ARHGAP22: variants seen among roughly 807,000 people sequenced by gnomAD.
ARHGAP22 encodes Rho GTPase activating protein 22, also known as rho GTPase-activating protein 22.
In ARHGAP22, 48 loss-of-function variants were observed where a neutral mutation model predicts 59.1. That is an observed-to-expected ratio of 0.81 (90% CI 0.64 to 1.03). The LOEUF is 1.03. Ranked by LOEUF, ARHGAP22 falls within the 50% of genes least tolerant of loss-of-function variation. ARHGAP22 has a pLI of 0.00. For synonymous variants in ARHGAP22, 445 were observed against 416.4 expected, an observed-to-expected ratio of 1.07 and a Z score of -0.84; for missense variants, 1,015 against 958.7, an observed-to-expected ratio of 1.06 and a Z score of -0.78.
rs1312222904 is a variant in ARHGAP22, at chr10:48,542,912, G to C, written c.322+12551C>G. Among the ~76,000 whole-genome samples, 8 of 152,276 alleles carry C rather than the reference G, an allele frequency of 5.3e-5. No individual in the cohort carries two copies. In the East Asian group the frequency reaches 1.4e-3, roughly 26 times the overall value. ...TTGGTGTCTGTATGTAGAAAGGAAG[G>C]CTCCATAGGAGAGCTGGGGAGGCTG... On this transcript the variant is annotated intron_variant, in intron 3 of 9. Coordinates refer to ENST00000249601, the MANE Select transcript of ARHGAP22 (RefSeq NM_021226.4).
rs1564793810 is a variant in ARHGAP22 at position 48,510,353 on chromosome 10, C to T, written c.323-30589G>A. On this transcript the variant is annotated intron_variant, in intron 3 of 9. Coordinates refer to ENST00000249601, the MANE Select transcript of ARHGAP22 (RefSeq NM_021226.4). The stretch of plus-strand genomic sequence containing the variant: ...AGCCTAGGTGGGACAACAGAGAGCA[C>T]TGGGGCCTGCGGCAAAGTAGAGAGG... 2.0e-5 allele frequency among the ~76,000 whole-genome samples: 3 copies of T among 152,370 alleles called. No individual in the cohort carries two copies. The South Asian group carries it at 6.2e-4, about 32-fold the overall frequency.
Position 48,540,106 on chromosome 10 carries a change from C to A in ARHGAP22, c.322+15357G>T, listed in dbSNP as rs1314659914. Among the ~76,000 whole-genome samples, 8 of 152,198 alleles carry A rather than the reference C, an allele frequency of 5.3e-5. 1 individual carries two copies. The highest frequency in any genetic ancestry group is 1.9e-4 in the African/African-American group (8 of 41,438). ...GAGCACCTCACCCTTAACCATGACC[C>A]CACAGGACAAATAATTAAGAGTGTC... On this transcript the variant is annotated intron_variant, in intron 3 of 9. Coordinates refer to ENST00000249601, the MANE Select transcript of ARHGAP22 (RefSeq NM_021226.4).
rs1169677726 is a variant in ARHGAP22 at position 48,625,312 on chromosome 10, A to G, written c.52+26922T>C. ...AGAGACTGTGTGCCAGGGAACTCTT[A>G]TAAGTATCTTAGCTCAAACAGCTCT... On this transcript the variant is annotated intron_variant, in intron 1 of 9. Coordinates refer to the ARHGAP22 transcript ENST00000435790. Among the ~76,000 whole-genome samples the G allele has an allele frequency of 3.3e-5, 5 of 152,122 alleles. No individual in the cohort carries two copies. In the East Asian group the frequency reaches 7.7e-4, roughly 23 times the overall value.
intron 3 of ARHGAP22, among the ~76,000 whole-genome samples, chr10:48,537,954 G>A (rs978792242): frequency 1.3e-5 from 2 of 152,206 alleles, no homozygotes; most frequent in Admixed American, 6.5e-5. Flanking sequence ...TAGTGAGCAT[G>A]GGCCCTGCTG....
At chr10:48,654,899 C>T (rs926009470), upstream of ARHGAP22, among the ~76,000 whole-genome samples, 3 of 141,354 alleles carry the variant, frequency 2.1e-5, no homozygotes, top group African/African-American at 8.0e-5. Flanking sequence ...CTTTTCTCTC[C>T]TCCCTTCCTC....
intron 1 of ARHGAP22, among the ~76,000 whole-genome samples, chr10:48,589,904 G>A (rs2059646927): frequency 6.6e-6 from 1 of 152,074 alleles, no homozygotes; most frequent in Non-Finnish European, 1.5e-5. Flanking sequence ...ACACACAGAG[G>A]AAAATCCAGC....
chr10:48,430,937 A>C, the ARHGAP22 span: 1 of 489,574 alleles, frequency 2.0e-6, no homozygotes, highest in Non-Finnish European at 3.6e-6. Flanking sequence ...CTACCCCAGC[A>C]CTATCAAACC....
Position 48,450,521 on chromosome 10 carries a change from G to T in ARHGAP22, c.1608C>A (p.Asp536Glu), listed in dbSNP as rs1293649019. 6.6e-7 allele frequency: 1 copy of T among 1,524,394 alleles called. No homozygotes were observed. Among genetic ancestry groups the T allele is most frequent in the African/African-American group, 1.4e-5 (1 of 72,970 alleles). 94.4% of individuals were successfully genotyped at this position (1,524,394 alleles called of 1,614,324 possible). The change falls in exon 9 of 10, where the codon GAC becomes GAA. Residue 536 changes from aspartate (D) to glutamate (E), a missense_variant. Asp to Glu is a conservative substitution (Grantham distance 45, BLOSUM62 2). Coordinates refer to ENST00000249601, the MANE Select transcript of ARHGAP22 (RefSeq NM_021226.4). ...LSSCTACRAS[D>E]SSARSSLHTD... ...TGTGCAGGGAACTGCGGGCAGACGA[G>T]TCGCTGGCGCGGCAGGCCGTGCAGC... is the stretch of plus-strand genomic sequence containing the variant.
intron 3 of ARHGAP22, among the ~76,000 whole-genome samples, chr10:48,522,255 T>C (rs948775819): frequency 6.6e-6 from 1 of 152,234 alleles, no homozygotes; most frequent in Non-Finnish European, 1.5e-5. Context: ...CTGCAGAACC[T>C]TGTAGGCACT....
chr10:48,654,810 CT>C (rs1565068680), upstream of ARHGAP22, among the ~76,000 whole-genome samples: 13,696 of 129,712 alleles, frequency 0.11, 935 homozygotes, highest in Admixed American at 0.2. Flanking sequence ...TTCTTTCTTT[CT>C]TTCTTTCTTT....
chr10:48,555,638 G>C, intron 2 of ARHGAP22, 88 bp from the exon 3 acceptor site: 1 of 1,321,094 alleles, frequency 7.6e-7, no homozygotes, highest in East Asian at 2.3e-5. Context: ...GGAGAGGTTA[G>C]GACCTGGGGC....
upstream of ARHGAP22, among the ~76,000 whole-genome samples, chr10:48,609,894 C>T (rs2060817136): frequency 6.6e-6 from 1 of 152,146 alleles, no homozygotes; most frequent in South Asian, 2.1e-4. Context: ...AAAATTCTTC[C>T]TAGATTTTTA....
intron 2 of ARHGAP22, among the ~76,000 whole-genome samples, chr10:48,555,834 C>T (rs115169351): frequency 1.3e-5 from 2 of 152,198 alleles, no homozygotes; most frequent in Non-Finnish European, 2.9e-5. Flanking sequence ...GCTCCCACCA[C>T]TGGGAGCGCC....
At chr10:48,578,777 G>C (rs7085095) in intron 2 of ARHGAP22, among the ~76,000 whole-genome samples, 119,609 of 152,072 alleles carry the variant, frequency 0.79, 47,197 homozygotes, top group East Asian at 0.99. Context: ...CACAGCTGCT[G>C]TCTTTTCTCA....
intron 3 of ARHGAP22, among the ~76,000 whole-genome samples, chr10:48,529,763 C>A (rs999011423): frequency 1.3e-5 from 2 of 152,200 alleles, no homozygotes; most frequent in East Asian, 3.9e-4. Context: ...GGCATATAGA[C>A]GATTGGAACA....
At chr10:48,570,049 T>A (rs1367444783) in intron 2 of ARHGAP22, among the ~76,000 whole-genome samples, 2 of 152,208 alleles carry the variant, frequency 1.3e-5, no homozygotes, top group Non-Finnish European at 2.9e-5. Flanking sequence ...TTCTTTGACA[T>A]GCAGAAAAAA....
chr10:48,583,942 T>C (rs746307211), intron 1 of ARHGAP22, among the ~76,000 whole-genome samples: 1 of 152,106 alleles, frequency 6.6e-6, no homozygotes. Flanking sequence ...CCCACCGAGG[T>C]TGGTGCTGCC....
chr10:48,600,795 T>C (rs566494106), intron 1 of ARHGAP22, among the ~76,000 whole-genome samples: 1 of 152,272 alleles, frequency 6.6e-6, no homozygotes, highest in African/African-American at 2.4e-5. Context: ...TGTCCAGGCT[T>C]GGGCACCTCT....
intron 1 of ARHGAP22, among the ~76,000 whole-genome samples, chr10:48,598,923 C>T (rs893344938): frequency 3.3e-5 from 5 of 152,216 alleles, no homozygotes; most frequent in African/African-American, 1.2e-4. Context: ...GTTCAGAAGC[C>T]TTTGGGTTCT....
Sources: gnomAD v4.1 joint callset for allele counts (sites outside exome capture counted in the v4.1 genomes callset) on GRCh38, gnomAD v4.1.1 for gene constraint, MANE v1.5 for transcripts, NCBI Gene and HGNC (gene_info 2026-07-23, HGNC 2026-07-21) for gene names.